The following MMP26 variants were observed in gnomAD, a reference collection of about 807,000 sequenced individuals.
MMP26 encodes the protein matrix metallopeptidase 26, also known as matrix metalloproteinase-26.
A neutral mutation model predicts 31.0 loss-of-function variants in MMP26; 33 were observed. The observed-to-expected ratio is 1.06, with a 90% CI of 0.81 to 1.42. MMP26 has a LOEUF of 1.42. MMP26 is among the 40% of genes most tolerant of loss of function. The pLI, the probability that MMP26 is intolerant of heterozygous loss-of-function variation, is 0.00. For synonymous variants in MMP26, 122 were observed against 114.9 expected, an observed-to-expected ratio of 1.06 and a Z score of -0.40; for missense variants, 347 against 316.1, an observed-to-expected ratio of 1.10 and a Z score of -0.74.
intron 2 of MMP26, among the ~76,000 whole-genome samples, chr11:4,874,369 C>T (rs1024313744): frequency 6.6e-6 from 1 of 152,056 alleles, no homozygotes; most frequent in Non-Finnish European, 1.5e-5. Flanking sequence ...CCAGAGCTCT[C>T]TGTCTTTTGT....
At chr11:4,828,720 T>C (rs1217781955) in intron 2 of MMP26, among the ~76,000 whole-genome samples, 3 of 152,214 alleles carry the variant, frequency 2.0e-5, no homozygotes, top group Admixed American at 1.3e-4. Context: ...TCGACACTTA[T>C]GTGCTTCTTT....
intron 2 of MMP26, among the ~76,000 whole-genome samples, chr11:4,880,074 A>G (rs900777986): frequency 7.9e-5 from 12 of 151,998 alleles, no homozygotes; most frequent in African/African-American, 2.9e-4. Context: ...GCCTGGGAGC[A>G]GGGTTTGGGG....
intron 1 of MMP26, among the ~76,000 whole-genome samples, chr11:4,730,404 A>AGAGAGAGAGAGAGAGAGAGAGAGAGAG (rs1848157903): frequency 6.9e-6 from 1 of 144,952 alleles, no homozygotes; most frequent in African/African-American, 2.6e-5. Context: ...GTTTCTGGGA[A>AGAGAGAGAGAGAGAGAGAGAGAGAGAG]AGAGAGAGAG....
chr11:4,845,610 A>G (rs969480426), intron 2 of MMP26, among the ~76,000 whole-genome samples: 4 of 152,196 alleles, frequency 2.6e-5, no homozygotes, highest in African/African-American at 9.6e-5. Flanking sequence ...ACATTAAGTT[A>G]AAAAGCTTCT....
At chr11:4,901,109 A>G (rs1850793389) in intron 2 of MMP26, among the ~76,000 whole-genome samples, 1 of 143,516 alleles carries the variant, frequency 7.0e-6, no homozygotes, top group African/African-American at 2.6e-5. Context: ...TTGCAATAGT[A>G]GTGCACTAAC....
At chr11:4,789,677 AC>A (rs1848996508) in intron 2 of MMP26, among the ~76,000 whole-genome samples, 1 of 150,848 alleles carries the variant, frequency 6.6e-6, no homozygotes, top group African/African-American at 2.4e-5. Context: ...AGTAGCTGGG[AC>A]TACAGGTGCC....
chr11:4,836,988 A>G (rs1158376592), intron 2 of MMP26, among the ~76,000 whole-genome samples: 1 of 152,118 alleles, frequency 6.6e-6, no homozygotes, highest in Non-Finnish European at 1.5e-5. Context: ...GAAACACAAA[A>G]AGTATAAAGG....
intron 2 of MMP26, among the ~76,000 whole-genome samples, chr11:4,775,162 A>C (rs1180267290): frequency 6.6e-6 from 1 of 152,190 alleles, no homozygotes; most frequent in Admixed American, 6.5e-5. Flanking sequence ...AATTCTGTGA[A>C]GAATGTCAGT....
chr11:4,936,658 T>C (rs1305063173), intron 2 of MMP26, among the ~76,000 whole-genome samples: 2 of 152,110 alleles, frequency 1.3e-5, no homozygotes, highest in Non-Finnish European at 2.9e-5. Flanking sequence ...GAGCTGGGCG[T>C]AAAATATAAA....
chr11:4,745,360 T>C (rs1440060802), intron 1 of MMP26, among the ~76,000 whole-genome samples: 1 of 152,238 alleles, frequency 6.6e-6, no homozygotes, highest in Non-Finnish European at 1.5e-5. Context: ...AATCTTACTA[T>C]AAATACAAAT....
intron 2 of MMP26, among the ~76,000 whole-genome samples, chr11:4,983,739 G>A (rs1230848055): frequency 6.6e-6 from 1 of 152,078 alleles, no homozygotes; most frequent in East Asian, 1.9e-4. Flanking sequence ...AAATTCACAG[G>A]TCTTTTGTTC....
Position 4,714,920 on chromosome 11 carries a change from T to TCACACACA in MMP26, c.-217+9906_-217+9913dup, listed in dbSNP as rs66913726. 3.3e-3 allele frequency among the ~76,000 whole-genome samples: 469 copies of TCACACACA among 141,772 alleles called. 4 individuals are homozygous for TCACACACA. Among genetic ancestry groups the TCACACACA allele is most frequent in the African/African-American group, 0.012 (436 of 37,082 alleles). The allele number at this position is 141,772 out of a possible 152,430, so 93.0% of individuals were successfully genotyped here. A position where few individuals can be genotyped will look rare whatever the true frequency, so the allele number is the denominator to read the frequency against. On this transcript the variant is annotated intron_variant, in intron 1 of 7. Transcript: ENST00000380390. ...CCAAATCTCTCTCTCTCTCTCTCTC[T>TCACACACA]CACACACACACACACACACACACAC...
chr11:4,916,169 G>T (rs540655032), intron 2 of MMP26, among the ~76,000 whole-genome samples: 3 of 151,968 alleles, frequency 2.0e-5, no homozygotes, highest in African/African-American at 7.2e-5. Flanking sequence ...AAAAAAAATG[G>T]TGTGGGAGGA....
At chr11:4,706,781 C>A (rs1847786537) in intron 1 of MMP26, among the ~76,000 whole-genome samples, 1 of 152,100 alleles carries the variant, frequency 6.6e-6, no homozygotes, top group Admixed American at 6.5e-5. Flanking sequence ...TTTTCCCTCT[C>A]CCTAGTCTGT....
chr11:4,931,899 G>A (rs1360613957), intron 2 of MMP26, among the ~76,000 whole-genome samples: 1 of 152,050 alleles, frequency 6.6e-6, no homozygotes, highest in Non-Finnish European at 1.5e-5. Context: ...GAGGAAGCAT[G>A]AGGATAGGGA....
chr11:4,743,889 T>G (rs535905987), intron 1 of MMP26, among the ~76,000 whole-genome samples: 1 of 152,308 alleles, frequency 6.6e-6, no homozygotes, highest in East Asian at 1.9e-4. Context: ...CACTGCAGCC[T>G]TGACCTCCTG....
intron 2 of MMP26, among the ~76,000 whole-genome samples, chr11:4,986,654 C>T (rs1473640951): frequency 6.6e-6 from 1 of 150,510 alleles, no homozygotes; most frequent in African/African-American, 2.4e-5. Flanking sequence ...CCTCAGCCTC[C>T]CAAGTAGCTG....
chr11:4,921,133 G>A (rs186413081), intron 2 of MMP26, among the ~76,000 whole-genome samples: 174 of 152,314 alleles, frequency 1.1e-3, no homozygotes, highest in African/African-American at 3.9e-3. Flanking sequence ...AAGCATAGGC[G>A]CAGCTTGTAG....
chr11:4,986,836 T>C (rs1296987295), intron 2 of MMP26, among the ~76,000 whole-genome samples: 1 of 148,854 alleles, frequency 6.7e-6, no homozygotes, highest in Non-Finnish European at 1.5e-5. Flanking sequence ...CCTGGCCTAG[T>C]TGAACAGCTT....
Sources: allele counts gnomAD v4.1 joint callset (sites outside exome capture counted in the v4.1 genomes callset), GRCh38; gene constraint gnomAD v4.1.1; transcripts MANE v1.5; gene names NCBI Gene and HGNC (gene_info 2026-07-23, HGNC 2026-07-21).